Variants in RYR3 observed in about 807,000 individuals in gnomAD.
RYR3 encodes brain ryanodine receptor-calcium release channel.
Under a neutral mutation model 584.3 loss-of-function variants are expected in RYR3, and 207 were observed. The observed-to-expected ratio is 0.35, with a 90% CI of 0.32 to 0.40. The LOEUF (loss-of-function observed/expected upper bound fraction) is 0.40, where lower values mean the gene tolerates loss of function less well. Among genes scored for constraint, RYR3 ranks in the 10% least tolerant of loss-of-function variants. The pLI is 1.00. For missense variants in RYR3, 5,616 were observed against 6,089.2 expected, an observed-to-expected ratio of 0.92 and a Z score of 2.59; for synonymous variants, 2,416 against 2,248.5, an observed-to-expected ratio of 1.07 and a Z score of -2.11.
intron 1 of RYR3, among the ~76,000 whole-genome samples, chr15:33,398,171 A>G (rs543034160): frequency 2.6e-5 from 4 of 152,358 alleles, no homozygotes; most frequent in South Asian, 2.1e-4. Flanking sequence ...GTGAACACAC[A>G]ACATTGACAG....
chr15:33,468,046 G>A (rs1047372807), intron 1 of RYR3, among the ~76,000 whole-genome samples: 1 of 152,274 alleles, frequency 6.6e-6, no homozygotes, highest in East Asian at 1.9e-4. Flanking sequence ...AAGAGAGCCC[G>A]TTTGGTGCCA....
intron 1 of RYR3, among the ~76,000 whole-genome samples, chr15:33,404,687 C>T (rs1441295538): frequency 6.6e-6 from 1 of 151,382 alleles, no homozygotes; most frequent in East Asian, 1.9e-4. Context: ...ACCACTACAA[C>T]AAAGTCTTAA....
rs374516251 is a variant in RYR3, at chr15:33,539,420, C to G, written c.504C>G (p.Gly168=). ...QRSEGEKVRI[G]DDLILVSVSS... ...CCGAAGGAGAGAAAGTTCGAATTGG[C>G]GATGACCTCATCCTCGTCAGCGTGT... The change falls in exon 6 of 104, where the codon GGC becomes GGG. Residue 168 remains glycine, a synonymous_variant. Coordinates refer to ENST00000634891, the MANE Select transcript of RYR3 (RefSeq NM_001036.6). 3 of 1,602,182 alleles carry G rather than the reference C, an allele frequency of 1.9e-6. No individual in the cohort carries two copies. The highest frequency in any genetic ancestry group is 1.7e-4 in the Middle Eastern group (1 of 6,056).
Position 33,550,379 on chromosome 15 carries a change from C to T in RYR3, c.972+63C>T, listed in dbSNP as rs370278427. ...AAGTGAAAACTCAGAAACCTCCAGG[C>T]AGAACTATAACTGGAAAAGAAAGTA... is the stretch of plus-strand genomic sequence containing the variant. On this transcript the variant is annotated intron_variant, in intron 10 of 103. Coordinates refer to ENST00000634891, the MANE Select transcript of RYR3 (RefSeq NM_001036.6). 1,099 of 1,482,214 alleles carry T rather than the reference C, an allele frequency of 7.4e-4. 11 individuals carry two copies. The African/African-American group carries it at 0.014, about 19-fold the overall frequency. 91.8% of individuals were successfully genotyped at this position (1,482,214 alleles called of 1,614,324 possible).
At position 33,412,905 on chromosome 15, in the gene RYR3, T is replaced by C. The variant is rs929789414; in HGVS notation, c.52-60514T>C. Among the ~76,000 whole-genome samples, 11 of 151,780 alleles carry C rather than the reference T, an allele frequency of 7.2e-5. No individual in the cohort carries two copies. The highest frequency in any genetic ancestry group is 5.9e-4 in the Admixed American group (9 of 15,294). ...GGCAGCTGGGGTTGAGTGTTGACGA[T>C]GAGAAAAAAATTCTGTTCAAGAAAC... On this transcript the variant is annotated intron_variant, in intron 1 of 103. Transcript: ENST00000634891. This position sits in a 1 kb window ranked among gnomAD's most constrained non-coding sequence, Gnocchi z 4.3.
At chr15:33,582,729 C>G (rs1567592358) in intron 14 of RYR3, among the ~76,000 whole-genome samples, 1 of 152,116 alleles carries the variant, frequency 6.6e-6, no homozygotes, top group Non-Finnish European at 1.5e-5. Flanking sequence ...AACTCCAGGA[C>G]TCTTATGCTT....
At chr15:33,602,468 A>G (rs544191613) in intron 17 of RYR3, among the ~76,000 whole-genome samples, 2 of 152,296 alleles carry the variant, frequency 1.3e-5, no homozygotes, top group South Asian at 4.1e-4. Context: ...CAAAGCTGCT[A>G]TACTGAAAAT....
Position 33,663,744 on chromosome 15 carries a change from G to C in RYR3, c.5619+7G>C. 1 of 1,596,350 alleles carries C rather than the reference G, an allele frequency of 6.3e-7. No individual in the cohort carries two copies. The highest frequency in any genetic ancestry group is 8.5e-7 in the Non-Finnish European group (1 of 1,172,140). On this transcript the variant is annotated splice_region_variant and intron_variant, in intron 36 of 103. Transcript: ENST00000634891. ...CTCACCCCCACAGGAGCAGGTGAGG[G>C]TCCTTCCTGAGCCTCTGTCCAGTTC...
rs1555477540 is a variant in RYR3 at position 33,826,583 on chromosome 15, T to C, written c.11165-89T>C. The C allele has an allele frequency of 2.6e-6, 3 of 1,145,024 alleles. No individual in the cohort carries two copies. In the South Asian group the frequency reaches 3.7e-5, roughly 14 times the overall value. 70.9% of individuals were successfully genotyped at this position (1,145,024 alleles called of 1,614,324 possible). The stretch of plus-strand genomic sequence containing the variant: ...CTTTTCCAAACCATTCTGACACAAC[T>C]CCTTTATCATCTGTGTAGTCATTTA... On this transcript the variant is annotated intron_variant, in intron 83 of 103. Transcript: ENST00000634891.
chr15:33,711,320 T>C (rs532787081), intron 43 of RYR3, among the ~76,000 whole-genome samples: 2 of 136,520 alleles, frequency 1.5e-5, no homozygotes, highest in South Asian at 4.8e-4. Context: ...CTCAGCTCAC[T>C]GCAAGCTCCG....
In RYR3 at chr15:33,757,513, T is replaced by C. The variant is rs1380685564; in HGVS notation, c.8622T>C (p.His2874=). 6.2e-7 allele frequency: 1 copy of C among 1,610,278 alleles called. No individual in the cohort carries two copies. The highest frequency in any genetic ancestry group is 1.3e-5 in the African/African-American group (1 of 75,006). ...TGGTTGACCAGTACTTCACCAGTCA[T>C]TGCCTCTACTTCTTGTCATCCCCTC... is the stretch of plus-strand genomic sequence containing the variant. ...LPLVDQYFTS[H]CLYFLSSPLK... Residue 2874 remains histidine, a synonymous_variant, in exon 60 of 104, where the codon CAT becomes CAC. Transcript: ENST00000634891.
At chr15:33,571,114 A>C (rs1382884897) in intron 12 of RYR3, among the ~76,000 whole-genome samples, 2 of 136,314 alleles carry the variant, frequency 1.5e-5, no homozygotes, top group African/African-American at 2.7e-5. Flanking sequence ...GTGGAATAAA[A>C]GTGATGTGAA....
intron 67 of RYR3, among the ~76,000 whole-genome samples, chr15:33,798,096 A>ATTTTTTT (rs76914470): frequency 0.014 from 2,135 of 151,120 alleles, 28 homozygotes; most frequent in Non-Finnish European, 0.023. Flanking sequence ...TTATTTATTT[A>ATTTTTTT]TTTTTTTTGA....
intron 1 of RYR3, among the ~76,000 whole-genome samples, chr15:33,349,200 C>T (rs932685830): frequency 4.1e-5 from 6 of 147,980 alleles, no homozygotes; most frequent in African/African-American, 1.5e-4. Flanking sequence ...ATTTTAATTG[C>T]TTCCAGTTTT....
intron 30 of RYR3, 140 bp downstream of exon 30, chr15:33,647,600 T>C (rs2062176167): frequency 3.2e-6 from 2 of 623,418 alleles, no homozygotes; most frequent in Non-Finnish European, 5.7e-6. Context: ...TCTTGATGCT[T>C]CCAGAACACA....
intron 67 of RYR3, among the ~76,000 whole-genome samples, chr15:33,796,956 A>C (rs1400725776): frequency 6.6e-6 from 1 of 152,232 alleles, no homozygotes; most frequent in African/African-American, 2.4e-5. Flanking sequence ...TGTCTTTTAT[A>C]GCAACGTGCA....
Position 33,724,044 on chromosome 15 carries a change from C to T in RYR3, c.6801-21C>T, listed in dbSNP as rs372702022. Reference sequence around the variant, plus strand: ...GTGCCTGCCAACCTTCCTCACACCTCCCCTCTGTTGGTTCTCTCAGCAGCA... The same window carrying T: ...GTGCCTGCCAACCTTCCTCACACCTTCCCTCTGTTGGTTCTCTCAGCAGCA... On this transcript the variant is annotated intron_variant, in intron 44 of 103. Coordinates refer to ENST00000634891, the MANE Select transcript of RYR3 (RefSeq NM_001036.6). 2.8e-6 allele frequency: 4 copies of T among 1,423,622 alleles called. No individual in the cohort carries two copies. In the African/African-American group the frequency reaches 4.2e-5, roughly 15 times the overall value. 88.2% of individuals were successfully genotyped at this position (1,423,622 alleles called of 1,614,324 possible). A position where few individuals can be genotyped will look rare whatever the true frequency, so the allele number is the denominator to read the frequency against.
chr15:33,811,058 T>G lies in RYR3; in HGVS notation c.10257+21T>G, dbSNP rs142969030. The G allele has an allele frequency of 7.6e-5, 122 of 1,599,024 alleles. No individual in the cohort carries two copies. The East Asian group carries it at 2.6e-3, about 34-fold the overall frequency. ...AAAAGGTGATGACTCAGGACAGCAG[T>G]GAGAACTCACACCGGCTTTCCTTCT... On this transcript the variant is annotated intron_variant, in intron 72 of 103. Coordinates refer to ENST00000634891, the MANE Select transcript of RYR3 (RefSeq NM_001036.6).
intron 1 of RYR3, among the ~76,000 whole-genome samples, chr15:33,399,759 TGAAA>T (rs1163628344): frequency 2.0e-5 from 3 of 152,260 alleles, no homozygotes; most frequent in East Asian, 1.9e-4. Flanking sequence ...AAAATAAGCC[TGAAA>T]GAAAGATAGA....
Sources: allele counts gnomAD v4.1 joint callset (sites outside exome capture counted in the v4.1 genomes callset), GRCh38; gene constraint gnomAD v4.1.1; non-coding constraint Gnocchi (gnomAD v3.1); transcripts MANE v1.5; gene names NCBI Gene and HGNC (gene_info 2026-07-23, HGNC 2026-07-21).